The following USP25 variants were observed in gnomAD, a reference collection of about 807,000 sequenced individuals.
The protein encoded by USP25 is ubiquitin carboxyl-terminal hydrolase 25.
Under a neutral mutation model 158.5 loss-of-function variants are expected in USP25, and 85 were observed. The ratio of observed to expected loss-of-function variants is 0.54; its 90% CI spans 0.45 to 0.64. The LOEUF is 0.64. Among genes scored for constraint, USP25 ranks in the 30% least tolerant of loss-of-function variants. The probability of loss-of-function intolerance (pLI) is 0.00; values close to 1 mark genes in which losing one functional copy is unlikely to be tolerated. For synonymous variants in USP25, 464 were observed against 460.4 expected, an observed-to-expected ratio of 1.01 and a Z score of -0.10; for missense variants, 1,242 against 1,327.3, an observed-to-expected ratio of 0.94 and a Z score of 1.00.
chr21:15,795,719 A>G lies in USP25; in HGVS notation c.556-4038A>G, dbSNP rs540951714. Among the ~76,000 whole-genome samples the G allele has an allele frequency of 2.7e-4, 41 of 151,694 alleles. 1 individual carries two copies. The South Asian group carries it at 8.1e-3, about 30-fold the overall frequency. On this transcript the variant is annotated intron_variant, in intron 5 of 25. Coordinates refer to ENST00000400183, the MANE Select transcript of USP25 (RefSeq NM_001283041.3). The stretch of plus-strand genomic sequence containing the variant: ...GAGTCATTTAAGATCTCCAAAGACT[A>G]AATTTCCTATACACCCACAGAGGGG...
intron 6 of USP25, among the ~76,000 whole-genome samples, chr21:15,804,805 G>T (rs1028410609): frequency 2.6e-5 from 4 of 152,080 alleles, no homozygotes; most frequent in African/African-American, 9.7e-5. Context: ...TGCTGAATGG[G>T]AAGTATTATG....
intron 4 of USP25, among the ~76,000 whole-genome samples, chr21:15,790,422 A>G (rs2035529625): frequency 6.6e-6 from 1 of 151,992 alleles, no homozygotes; most frequent in Non-Finnish European, 1.5e-5. Flanking sequence ...CCTTGTATCT[A>G]ATGTCTTGTG....
intron 18 of USP25, 109 bp from the exon 19 acceptor site, chr21:15,847,554 G>C (rs1209103894): frequency 1.5e-6 from 1 of 685,386 alleles, no homozygotes; most frequent in Non-Finnish European, 2.5e-6. Context: ...AAGTCATATG[G>C]ATACAGGGCT....
chr21:15,867,206 T>C (rs891628000), intron 22 of USP25, among the ~76,000 whole-genome samples: 1 of 152,144 alleles, frequency 6.6e-6, no homozygotes, highest in Non-Finnish European at 1.5e-5. Flanking sequence ...AAATTTAATC[T>C]TATGCATTGT....
At chr21:15,857,607 G>T (rs572418553) in intron 20 of USP25, among the ~76,000 whole-genome samples, 4 of 152,088 alleles carry the variant, frequency 2.6e-5, no homozygotes, top group African/African-American at 9.6e-5. Context: ...TTTTAGTTAA[G>T]TGAACATTGA....
At chr21:15,764,614 T>C (rs2033925558) in intron 2 of USP25, among the ~76,000 whole-genome samples, 1 of 152,172 alleles carries the variant, frequency 6.6e-6, no homozygotes, top group Non-Finnish European at 1.5e-5. Flanking sequence ...AAATTCCTGC[T>C]GTGTTGTTTT....
At chr21:15,807,601 G>A (rs942250416) in intron 7 of USP25, among the ~76,000 whole-genome samples, 3 of 152,186 alleles carry the variant, frequency 2.0e-5, no homozygotes, top group African/African-American at 7.2e-5. Flanking sequence ...TCTGGTGGCT[G>A]TTGGTGTTCC....
chr21:15,789,935 A>C (rs1358669228), intron 4 of USP25, among the ~76,000 whole-genome samples: 1 of 152,054 alleles, frequency 6.6e-6, no homozygotes, highest in African/African-American at 2.4e-5. Context: ...TTTGAGCATA[A>C]ACCAGTCTTG....
chr21:15,738,713 A>T (rs1044054666), intron 1 of USP25, among the ~76,000 whole-genome samples: 1 of 152,140 alleles, frequency 6.6e-6, no homozygotes, highest in Non-Finnish European at 1.5e-5. Flanking sequence ...CTTATGCCCA[A>T]TTTCTGCCCT....
chr21:15,814,476 G>A (rs2036834099), intron 9 of USP25, among the ~76,000 whole-genome samples: 1 of 152,164 alleles, frequency 6.6e-6, no homozygotes, highest in Admixed American at 6.5e-5. Context: ...GGAAAGTTTG[G>A]AACCTCCTAG....
intron 10 of USP25, among the ~76,000 whole-genome samples, chr21:15,819,971 A>C (rs1328097252): frequency 6.6e-6 from 1 of 152,074 alleles, no homozygotes; most frequent in African/African-American, 2.4e-5. Flanking sequence ...AGTGATTCTC[A>C]ATAGAGAATA....
At chr21:15,870,876 A>G (rs189776673) in intron 23 of USP25, among the ~76,000 whole-genome samples, 480 of 152,362 alleles carry the variant, frequency 3.2e-3, no homozygotes, top group African/African-American at 0.011. Context: ...AAAAAGAAAC[A>G]AAGATCAGTG....
chr21:15,808,759 A>AT (rs528420918), intron 7 of USP25, 50 bp from the exon 8 acceptor site: 8,371 of 1,187,998 alleles, frequency 7.0e-3, no homozygotes, highest in South Asian at 9.9e-3. Flanking sequence ...AACATCTAGT[A>AT]TTTTTTTTTT....
At position 15,775,649 on chromosome 21, in the gene USP25, G is replaced by A. The variant is rs1432522883; in HGVS notation, c.269-2255G>A. 2.0e-5 allele frequency among the ~76,000 whole-genome samples: 3 copies of A among 151,390 alleles called. No individual in the cohort carries two copies. In the East Asian group the frequency reaches 5.9e-4, roughly 30 times the overall value. ...TCCATCTCTTGACATTCTTAAAGCT[G>A]GAAATTGGAGCCTGGAATACTGTGG... On this transcript the variant is annotated intron_variant, in intron 3 of 25. Transcript: ENST00000400183.
At chr21:15,748,072 G>T (rs17241416) in intron 1 of USP25, among the ~76,000 whole-genome samples, 11,639 of 152,128 alleles carry the variant, frequency 0.077, 500 homozygotes, top group East Asian at 0.099. Flanking sequence ...TTGTCTTCAT[G>T]CAGGGTTTAA....
intron 20 of USP25, among the ~76,000 whole-genome samples, chr21:15,855,951 G>A (rs1178162056): frequency 6.6e-6 from 1 of 152,118 alleles, no homozygotes. Flanking sequence ...TTACTCAACA[G>A]TGTGTTTGGA....
chr21:15,842,653 C>T (rs1219037664), intron 18 of USP25, 113 bp downstream of exon 18: 1 of 1,325,644 alleles, frequency 7.5e-7, no homozygotes, highest in African/African-American at 1.5e-5. Context: ...AGTGATGGCT[C>T]TGCCATGGGC....
rs368876080 is a variant in USP25 at position 15,830,871 on chromosome 21, A to G, written c.1764+270A>G. ...ACCGTATGTGTTGTGTACCCTTACTATTTTACAGTAAAATCTACCAAAGTT... is the reference window on the plus strand; with the variant it reads ...ACCGTATGTGTTGTGTACCCTTACTGTTTTACAGTAAAATCTACCAAAGTT... On this transcript the variant is annotated intron_variant, in intron 15 of 25. Coordinates refer to ENST00000400183, the MANE Select transcript of USP25 (RefSeq NM_001283041.3). Among the ~76,000 whole-genome samples, 10 of 152,256 alleles carry G rather than the reference A, an allele frequency of 6.6e-5. No individual in the cohort carries two copies. The East Asian group carries it at 7.7e-4, about 12-fold the overall frequency.
At chr21:15,747,881 A>C (rs2032690319) in intron 1 of USP25, among the ~76,000 whole-genome samples, 1 of 152,224 alleles carries the variant, frequency 6.6e-6, no homozygotes. Flanking sequence ...ACTACTGTAT[A>C]TGTTTTGCAA....
Sources: allele counts gnomAD v4.1 joint callset (sites outside exome capture counted in the v4.1 genomes callset), GRCh38; gene constraint gnomAD v4.1.1; transcripts MANE v1.5; gene names NCBI Gene and HGNC (gene_info 2026-07-23, HGNC 2026-07-21).